Variants in BDH2 observed in about 807,000 individuals in gnomAD.
The protein encoded by BDH2 is dehydrogenase/reductase SDR family member 6.
A neutral mutation model predicts 33.2 loss-of-function variants in BDH2; 24 were observed. The observed-to-expected ratio is 0.72, with a 90% CI of 0.52 to 1.02. The LOEUF is 1.02. Among genes scored for constraint, BDH2 ranks in the 50% least tolerant of loss-of-function variants. BDH2 has a pLI of 0.00. For missense variants in BDH2, 249 were observed against 301.6 expected (o/e 0.83, Z 1.29); for synonymous variants, 81 against 101.6 (o/e 0.80, Z 1.22).
rs1309043396 is a variant in BDH2 at position 103,078,513 on chromosome 4, A to C, written c.*1189T>G. ...TAATAAAGATTGTTTAGTTAGACTA[A>C]GAAAATAGTAAATAATAAGGGATGG... On this transcript the variant is annotated 3_prime_UTR_variant, in exon 10 of 10. Transcript: ENST00000296424. Among the ~76,000 whole-genome samples the C allele has an allele frequency of 3.9e-5, 6 of 152,200 alleles. No homozygotes were observed. Among genetic ancestry groups the C allele is most frequent in the Non-Finnish European group, 8.8e-5 (6 of 68,032 alleles).
At chr4:103,091,001 G>A (rs1305973276) in intron 5 of BDH2, among the ~76,000 whole-genome samples, 176 bp downstream of exon 5, 2 of 152,144 alleles carry the variant, frequency 1.3e-5, no homozygotes, top group African/African-American at 2.4e-5. Context: ...TTGAGTGGAT[G>A]AGCTGGAAGG....
At chr4:103,098,791 A>G (rs188418749) in intron 1 of BDH2, 1 of 152,114 alleles carries the variant, frequency 6.6e-6, no homozygotes, top group East Asian at 1.9e-4. Flanking sequence ...CTCTCTCACA[A>G]CAGCATTTCC....
chr4:103,085,009 C>T (rs576284660), intron 7 of BDH2, among the ~76,000 whole-genome samples: 1 of 152,276 alleles, frequency 6.6e-6, no homozygotes, highest in East Asian at 1.9e-4. Context: ...TTATTAGATA[C>T]CTTAAGTTCC....
chr4:103,092,697 C>G lies in BDH2; in HGVS notation c.152-1G>C, dbSNP rs774731135. On this transcript the variant is annotated splice_acceptor_variant, in intron 3 of 9. Transcript: ENST00000296424. LOFTEE classifies it high-confidence loss of function. ...ACATCAAGGACACGAGTTTGAATAC[C>G]TGAAAAATAAAACAAGAGGCACTAT... The G allele has an allele frequency of 7.5e-5, 121 of 1,603,852 alleles. No homozygotes were observed. The Middle Eastern group carries it at 1.2e-3, about 15-fold the overall frequency.
chr4:103,083,064 C>A (rs1747601844), intron 7 of BDH2, 135 bp from the exon 8 acceptor site: 2 of 735,244 alleles, frequency 2.7e-6, no homozygotes, highest in East Asian at 4.9e-5. Flanking sequence ...CAGCTGCCTG[C>A]CTGAGGCCTC....
intron 9 of BDH2, among the ~76,000 whole-genome samples, chr4:103,080,904 C>T (rs560212093): frequency 7.2e-5 from 11 of 152,332 alleles, no homozygotes; most frequent in Admixed American, 3.3e-4. Context: ...CAGCTATTAA[C>T]AATTGTTGTT....
intron 5 of BDH2, among the ~76,000 whole-genome samples, chr4:103,090,639 A>G (rs1227034734): frequency 6.6e-6 from 1 of 152,166 alleles, no homozygotes; most frequent in Admixed American, 6.5e-5. Context: ...TGGATGAGAT[A>G]ATAGTATCTA....
At chr4:103,096,104 C>A in intron 2 of BDH2, 79 bp downstream of exon 2, 1 of 1,014,310 alleles carries the variant, frequency 9.9e-7, no homozygotes. Context: ...CAGAAGTAAA[C>A]AACCATGGCA....
Position 103,078,678 on chromosome 4 carries a change from T to G in BDH2, c.*1024A>C, listed in dbSNP as rs1323979653. 6.6e-6 allele frequency among the ~76,000 whole-genome samples: 1 copy of G among 152,178 alleles called. No individual in the cohort carries two copies. The highest frequency in any genetic ancestry group is 2.4e-5 in the African/African-American group (1 of 41,432). On this transcript the variant is annotated 3_prime_UTR_variant, in exon 10 of 10. Transcript: ENST00000296424. ...TCCTACCTTTGTTCATTTATGATGG[T>G]GTAAAATTTTAAAATTAGGATCTAC... is the stretch of plus-strand genomic sequence containing the variant.
chr4:103,088,882 T>C (rs1747933192), intron 5 of BDH2, among the ~76,000 whole-genome samples: 1 of 152,188 alleles, frequency 6.6e-6, no homozygotes, highest in South Asian at 2.1e-4. Flanking sequence ...CTGAAGACTC[T>C]TCTAAGACAC....
intron 5 of BDH2, among the ~76,000 whole-genome samples, chr4:103,087,161 G>A (rs1747830651): frequency 6.6e-6 from 1 of 152,334 alleles, no homozygotes; most frequent in South Asian, 2.1e-4. Context: ...AGAAAAGGAT[G>A]TTTTGAGGAG....
intron 7 of BDH2, among the ~76,000 whole-genome samples, chr4:103,085,076 G>A (rs1361064741): frequency 6.6e-6 from 1 of 152,134 alleles, no homozygotes; most frequent in Non-Finnish European, 1.5e-5. Flanking sequence ...CACATCTACG[G>A]TTATTGTGAA....
At chr4:103,088,307 A>G (rs1747897906) in intron 5 of BDH2, among the ~76,000 whole-genome samples, 1 of 152,192 alleles carries the variant, frequency 6.6e-6, no homozygotes. Context: ...CATATACCCC[A>G]ATTTAATACA....
At chr4:103,091,395 T>G in intron 4 of BDH2, 110 bp from the exon 5 acceptor site, 1 of 651,404 alleles carries the variant, frequency 1.5e-6, no homozygotes, top group Middle Eastern at 2.9e-4. Flanking sequence ...TCTCTTTCCC[T>G]TATCAAGACT....
At chr4:103,088,948 C>A (rs1272459420) in intron 5 of BDH2, among the ~76,000 whole-genome samples, 1 of 152,136 alleles carries the variant, frequency 6.6e-6, no homozygotes, top group East Asian at 1.9e-4. Context: ...CAAAGATATC[C>A]CCAAATCTTT....
Position 103,082,132 on chromosome 4 carries a change from G to T in BDH2, c.633C>A (p.Phe211Leu), listed in dbSNP as rs181237399. ...DFLKRQKTGR[F>L]ATAEEIAMLC... ...GCATGGCTATTTCTTCTGCAGTTGC[G>T]AATCTTCCCGTCTTTTGTCTCTTCA... Residue 211 changes from phenylalanine (F) to leucine (L), a missense_variant, in exon 9 of 10, where the codon TTC (phenylalanine) becomes TTA (leucine). By Grantham distance (22) the Phe-to-Leu change is conservative. Transcript: ENST00000296424. 22 of 1,614,134 alleles carry T rather than the reference G, an allele frequency of 1.4e-5. No individual in the cohort carries two copies. In the East Asian group the frequency reaches 4.9e-4, roughly 36 times the overall value.
In BDH2 at chr4:103,091,264, G is replaced by T. The variant is rs1407420418; in HGVS notation, c.270C>A (p.Val90=). 1 of 1,612,802 alleles carries T rather than the reference G, an allele frequency of 6.2e-7. No individual in the cohort carries two copies. ...NVAGFVHHGT[V]LDCEEKDWDF... Reference sequence around the variant, plus strand: ...CCCAGTCTTTCTCCTCACAATCCAGGACAGTTCCATGATGGACAAAACTAG... The same window carrying T: ...CCCAGTCTTTCTCCTCACAATCCAGTACAGTTCCATGATGGACAAAACTAG... Residue 90 remains valine (V), a synonymous_variant, in exon 5 of 10, where the codon GTC becomes GTA. Coordinates refer to ENST00000296424, the MANE Select transcript of BDH2 (RefSeq NM_020139.4).
chr4:103,099,579 C>G (rs575079565), intron 1 of BDH2, among the ~76,000 whole-genome samples: 72 of 152,166 alleles, frequency 4.7e-4, no homozygotes, highest in Admixed American at 8.5e-4. Context: ...CTTAGGATAC[C>G]GTAAGAATCC....
intron 1 of BDH2, chr4:103,099,202 G>A (rs1748538790): frequency 6.6e-6 from 1 of 152,180 alleles, no homozygotes; most frequent in Non-Finnish European, 1.5e-5. Flanking sequence ...GTTTTGCTAG[G>A]AATCTTTGCC....
Sources: gnomAD v4.1 joint callset for allele counts (sites outside exome capture counted in the v4.1 genomes callset) on GRCh38, gnomAD v4.1.1 for gene constraint, MANE v1.5 for transcripts, NCBI Gene and HGNC (gene_info 2026-07-23, HGNC 2026-07-21) for gene names.